Variants in IFT74 observed in about 807,000 individuals in gnomAD.
The protein encoded by IFT74 is intraflagellar transport protein 74 homolog.
IFT74 carries 92 observed loss-of-function variants against 96.7 expected under a neutral mutation model. The ratio of observed to expected loss-of-function variants is 0.95; its 90% CI spans 0.80 to 1.13. The LOEUF is 1.13. IFT74 is among the 50% of genes most tolerant of loss of function. The probability of loss-of-function intolerance (pLI) is 0.00; values close to 1 mark genes in which losing one functional copy is unlikely to be tolerated. For synonymous variants in IFT74, 223 were observed against 213.2 expected, an observed-to-expected ratio of 1.05 and a Z score of -0.40; for missense variants, 811 against 698.2, an observed-to-expected ratio of 1.16 and a Z score of -1.82.
intron 12 of IFT74, among the ~76,000 whole-genome samples, chr9:27,022,329 T>G (rs1016670949): frequency 5.9e-5 from 9 of 152,174 alleles, no homozygotes; most frequent in African/African-American, 2.2e-4. Flanking sequence ...CGCTTTGGGT[T>G]CCATATGAAT....
intron 2 of IFT74, chr9:26,976,534 G>A (rs1163033391): frequency 9.5e-6 from 3 of 316,870 alleles, no homozygotes; most frequent in Non-Finnish European, 1.9e-5. Flanking sequence ...AGATAAGGTG[G>A]GCGCATGATG....
At chr9:26,959,856 G>A (rs905394708) in intron 1 of IFT74, among the ~76,000 whole-genome samples, 5 of 152,220 alleles carry the variant, frequency 3.3e-5, no homozygotes, top group African/African-American at 1.2e-4. Flanking sequence ...GTCCAGCTAA[G>A]ATTTGTGACT....
chr9:27,060,697 G>A (rs912243419), intron 19 of IFT74, 46 bp downstream of exon 19: 61 of 1,429,554 alleles, frequency 4.3e-5, no homozygotes, highest in Non-Finnish European at 5.7e-5. Flanking sequence ...GGTGGCTCAT[G>A]CCTATAGTCC....
At position 27,064,667 on chromosome 9, in the gene IFT74, G is replaced by A. The variant is rs1393839712; in HGVS notation, c.*1931G>A. On this transcript the variant is annotated 3_prime_UTR_variant, in exon 20 of 20. Transcript: ENST00000380062. ...ATACTTCCAAGGAGGAAGGGAATCTGGAAAACATGTTTGTGGATAGGTAAT... is the reference window on the plus strand; with the variant it reads ...ATACTTCCAAGGAGGAAGGGAATCTAGAAAACATGTTTGTGGATAGGTAAT... Among the ~76,000 whole-genome samples the A allele has an allele frequency of 6.6e-6, 1 of 152,048 alleles. No homozygotes were observed. The highest frequency in any genetic ancestry group is 1.5e-5 in the Non-Finnish European group (1 of 67,942).
In IFT74 at chr9:26,978,108, A is replaced by C; in HGVS notation, c.121-20A>C. ...TGTTTTTTCTGGTTTACTAAAAATG[A>C]AATCTTGTTTGTCATTTAGATGCCA... On this transcript the variant is annotated intron_variant, in intron 2 of 19. Coordinates refer to ENST00000380062, the MANE Select transcript of IFT74 (RefSeq NM_025103.4). The C allele has an allele frequency of 6.4e-7, 1 of 1,553,470 alleles. No homozygotes were observed. The highest frequency in any genetic ancestry group is 8.6e-7 in the Non-Finnish European group (1 of 1,156,954).
intron 12 of IFT74, among the ~76,000 whole-genome samples, chr9:27,028,352 C>T (rs745983148): frequency 6.6e-6 from 1 of 152,122 alleles, no homozygotes; most frequent in Admixed American, 6.5e-5. Flanking sequence ...AAATATTTTT[C>T]ATTTTCTTAA....
In IFT74 at chr9:27,036,532, C is replaced by G. The variant is rs758909408; in HGVS notation, c.1054+7428C>G. 8.4e-5 allele frequency: 136 copies of G among 1,611,214 alleles called. 1 individual carries two copies. In the East Asian group the frequency reaches 3.0e-3, roughly 36 times the overall value. On this transcript the variant is annotated intron_variant, in intron 13 of 19. Coordinates refer to ENST00000380062, the MANE Select transcript of IFT74 (RefSeq NM_025103.4). ...AAGTTTGAACCTGCCATGTGCTAAG[C>G]ACTATGCTGAATCCATTTGAACTGA...
chr9:26,965,295 C>A (rs975840754), intron 2 of IFT74, among the ~76,000 whole-genome samples: 8 of 152,128 alleles, frequency 5.3e-5, no homozygotes, highest in Non-Finnish European at 7.4e-5. Context: ...GTGCAGAGGG[C>A]CAATACTCAA....
In IFT74 at chr9:27,063,616, A is replaced by T. The variant is rs1324074277; in HGVS notation, c.*880A>T. On this transcript the variant is annotated 3_prime_UTR_variant, in exon 20 of 20. Coordinates refer to ENST00000380062, the MANE Select transcript of IFT74 (RefSeq NM_025103.4). ...GTCACCTTGGCCAGCATAAAATATT[A>T]CTTAAAACTATCCTGTTTTTGCTCT... Among the ~76,000 whole-genome samples the T allele has an allele frequency of 2.6e-5, 4 of 152,096 alleles. No homozygotes were observed. Among genetic ancestry groups the T allele is most frequent in the Non-Finnish European group, 5.9e-5 (4 of 67,948 alleles).
chr9:27,021,296 G>T (rs767325469), intron 12 of IFT74, among the ~76,000 whole-genome samples: 2 of 152,036 alleles, frequency 1.3e-5, no homozygotes, highest in South Asian at 2.1e-4. Context: ...GTCAACATGC[G>T]TGTGCAAGTG....
In IFT74 at chr9:27,056,451, C is replaced by G; in HGVS notation, c.1615C>G (p.His539Asp). The change falls in exon 18 of 20, where the codon CAT (histidine) becomes GAT (aspartate). Residue 539 changes from histidine to aspartate, a missense_variant. Transcript: ENST00000380062. Reference protein sequence around the residue: ...LKTQLQENETHSQLTNLERKW... With the variant: ...LKTQLQENETDSQLTNLERKW... ...AACACAATTGCAAGAAAATGAGACA[C>G]ATTCTCAGGTAAAAAATGTTTTAAA... is the stretch of plus-strand genomic sequence containing the variant. The G allele has an allele frequency of 6.3e-7, 1 of 1,591,964 alleles. No homozygotes were observed. Among genetic ancestry groups the G allele is most frequent in the Non-Finnish European group, 8.5e-7 (1 of 1,171,590 alleles).
intron 8 of IFT74, among the ~76,000 whole-genome samples, chr9:26,992,022 C>T (rs1294930863): frequency 2.0e-5 from 3 of 149,672 alleles, no homozygotes; most frequent in Admixed American, 1.3e-4. Flanking sequence ...GGTGACAGAG[C>T]GAGACTCCGT....
intron 8 of IFT74, among the ~76,000 whole-genome samples, chr9:26,998,791 C>A (rs1380064261): frequency 6.6e-6 from 1 of 151,054 alleles, no homozygotes; most frequent in Admixed American, 6.6e-5. Flanking sequence ...CAAGACCAGC[C>A]TGTCCAACAC....
intron 13 of IFT74, among the ~76,000 whole-genome samples, chr9:27,029,525 A>T (rs1359449928): frequency 6.6e-6 from 1 of 152,138 alleles, no homozygotes; most frequent in Admixed American, 6.6e-5. Context: ...AGGCGGGCAG[A>T]TCATCGGAGG....
intron 8 of IFT74, among the ~76,000 whole-genome samples, chr9:26,990,442 G>C (rs1827814404): frequency 6.6e-6 from 1 of 152,174 alleles, no homozygotes; most frequent in Non-Finnish European, 1.5e-5. Context: ...GCTAGCAGCT[G>C]AACACTTATG....
In IFT74 at chr9:26,990,914, T is replaced by G. The variant is rs551890768; in HGVS notation, c.587+719T>G. Among the ~76,000 whole-genome samples the G allele has an allele frequency of 7.2e-5, 11 of 152,218 alleles. No individual in the cohort carries two copies. In the South Asian group the frequency reaches 1.5e-3, roughly 20 times the overall value. Reference sequence around the variant, plus strand: ...AAAAAGTTGATGAAGAATAATTAATTTAGAACCAACACAAATTTTATTCCT... The same window carrying G: ...AAAAAGTTGATGAAGAATAATTAATGTAGAACCAACACAAATTTTATTCCT... On this transcript the variant is annotated intron_variant, in intron 8 of 19. Coordinates refer to ENST00000380062, the MANE Select transcript of IFT74 (RefSeq NM_025103.4).
At chr9:26,948,448 A>ATTTATTTTTTTTTTT (rs1825821453) in intron 1 of IFT74, among the ~76,000 whole-genome samples, 1 of 59,162 alleles carries the variant, frequency 1.7e-5, no homozygotes, top group Non-Finnish European at 3.8e-5. Flanking sequence ...GCTTTCCATT[A>ATTTATTTTTTTTTTT]TTTTTTTTTT....
chr9:26,979,713 T>TA (rs1284439807), intron 3 of IFT74, among the ~76,000 whole-genome samples: 45 of 135,646 alleles, frequency 3.3e-4, no homozygotes, highest in African/African-American at 1.2e-3. Flanking sequence ...CTTTTTTTTT[T>TA]TTTTTTTTTT....
At chr9:27,022,212 A>G (rs1829641518) in intron 12 of IFT74, among the ~76,000 whole-genome samples, 2 of 152,138 alleles carry the variant, frequency 1.3e-5, no homozygotes, top group South Asian at 4.1e-4. Flanking sequence ...TGCCAATACA[A>G]TACTGTTTTG....
Sources: allele counts gnomAD v4.1 joint callset (sites outside exome capture counted in the v4.1 genomes callset), GRCh38; gene constraint gnomAD v4.1.1; transcripts MANE v1.5; gene names NCBI Gene and HGNC (gene_info 2026-07-23, HGNC 2026-07-21).